The following STYK1 variants were observed in gnomAD, a reference collection of about 807,000 sequenced individuals.
STYK1 encodes the protein STY kinase 1, also known as tyrosine-protein kinase STYK1.
Under a neutral mutation model 48.1 loss-of-function variants are expected in STYK1, and 46 were observed. That is an observed-to-expected ratio of 0.96 (90% confidence interval 0.75 to 1.22). The LOEUF is 1.22. STYK1 is among the 50% of genes most tolerant of loss of function. The probability of loss-of-function intolerance (pLI) is 0.00; values close to 1 mark genes in which losing one functional copy is unlikely to be tolerated. For synonymous variants in STYK1, 188 were observed against 189.0 expected (o/e 0.99, Z 0.04); for missense variants, 527 against 521.1 (o/e 1.01, Z -0.11).
intron 5 of STYK1, among the ~76,000 whole-genome samples, chr12:10,630,032 GGAGAGAGA>G (rs11268204): frequency 1.4e-3 from 186 of 137,302 alleles, no homozygotes; most frequent in African/African-American, 5.1e-3. Context: ...ATCATGAAGA[GGAGAGAGA>G]GAGAGAGAGA....
chr12:10,667,240 T>C (rs1947842933), intron 1 of STYK1: 1 of 152,188 alleles, frequency 6.6e-6, no homozygotes, highest in Non-Finnish European at 1.5e-5. Flanking sequence ...TAGCCAGTAA[T>C]TTAAAGCATA....
At chr12:10,666,023 T>G (rs1947830347) in intron 1 of STYK1, among the ~76,000 whole-genome samples, 1 of 152,250 alleles carries the variant, frequency 6.6e-6, no homozygotes, top group Non-Finnish European at 1.5e-5. Context: ...TCCTCCTTCC[T>G]TAAGCCAAAC....
At chr12:10,621,387 G>T (rs572251024) in intron 10 of STYK1, among the ~76,000 whole-genome samples, 1 of 152,032 alleles carries the variant, frequency 6.6e-6, no homozygotes, top group African/African-American at 2.4e-5. Context: ...CTGAGAGTTG[G>T]AAAAACAGGG....
At chr12:10,634,485 A>T in intron 3 of STYK1, 82 bp downstream of exon 3, 2 of 1,437,200 alleles carry the variant, frequency 1.4e-6, no homozygotes, top group South Asian at 2.3e-5. Context: ...AAATCAAATC[A>T]TCCTCCTTCT....
chr12:10,643,871 G>T (rs1947571882), intron 1 of STYK1, among the ~76,000 whole-genome samples: 1 of 152,142 alleles, frequency 6.6e-6, no homozygotes, highest in African/African-American at 2.4e-5. Context: ...GCGAGAGGCA[G>T]ATCATAATGA....
At chr12:10,655,385 CT>C (rs1319395951) in intron 1 of STYK1, among the ~76,000 whole-genome samples, 1 of 152,194 alleles carries the variant, frequency 6.6e-6, no homozygotes, top group African/African-American at 2.4e-5. Flanking sequence ...AGTTAAAAGC[CT>C]TCATTGGCTC....
In STYK1 at chr12:10,634,598, G is replaced by A. The variant is rs1327623150; in HGVS notation, c.21C>T (p.Leu7=). 2 of 1,613,948 alleles carry A rather than the reference G, an allele frequency of 1.2e-6. No homozygotes were observed. The highest frequency in any genetic ancestry group is 3.3e-5 in the Admixed American group (2 of 59,992). Residue 7 remains leucine (L), a synonymous_variant, in exon 3 of 11, where the codon CTC becomes CTT. Coordinates refer to ENST00000075503, the MANE Select transcript of STYK1 (RefSeq NM_018423.3). ...ACTTGTCACTGAGACTGCATTCCAG[G>A]AGCATCCGTGTCATGCCCATTGCCA... The part of the protein sequence containing the change: MGMTRM[L]LECSLSDKLC...
chr12:10,663,498 C>G (rs1358426334), intron 1 of STYK1, among the ~76,000 whole-genome samples: 2 of 147,186 alleles, frequency 1.4e-5, no homozygotes, highest in Non-Finnish European at 1.5e-5. Flanking sequence ...ACTCGGGAGG[C>G]TGAGGAAGGA....
intron 8 of STYK1, among the ~76,000 whole-genome samples, chr12:10,623,723 T>C (rs530088982): frequency 9.9e-4 from 151 of 152,258 alleles, no homozygotes; most frequent in African/African-American, 3.5e-3. Flanking sequence ...AAAAGTAACA[T>C]CAAAAGTCTG....
At chr12:10,654,360 G>C (rs1947695163) in intron 1 of STYK1, among the ~76,000 whole-genome samples, 1 of 152,154 alleles carries the variant, frequency 6.6e-6, no homozygotes, top group South Asian at 2.1e-4. Context: ...CTTAGTAAAT[G>C]TGCTTTCACT....
intron 1 of STYK1, among the ~76,000 whole-genome samples, chr12:10,660,468 G>GAAT (rs1591702336): frequency 0.029 from 3,440 of 119,438 alleles, 608 homozygotes; most frequent in East Asian, 0.055. Flanking sequence ...AGGGGAGGAG[G>GAAT]GAAATATGTT....
At chr12:10,651,441 T>C (rs908094259) in intron 1 of STYK1, among the ~76,000 whole-genome samples, 2 of 152,202 alleles carry the variant, frequency 1.3e-5, no homozygotes, top group African/African-American at 4.8e-5. Context: ...ATGCTCAGTT[T>C]TCTCATCTGT....
intron 1 of STYK1, among the ~76,000 whole-genome samples, chr12:10,665,024 G>T (rs1192735632): frequency 1.3e-5 from 2 of 151,438 alleles, no homozygotes; most frequent in African/African-American, 2.5e-5. Flanking sequence ...TTCCAATCAT[G>T]AATCCATTAA....
At chr12:10,630,124 A>T in intron 5 of STYK1, among the ~76,000 whole-genome samples, 1 of 150,966 alleles carries the variant, frequency 6.6e-6, no homozygotes, top group African/African-American at 2.4e-5. Flanking sequence ...GATGGCTCAC[A>T]CCTGTAATCC....
At chr12:10,641,602 C>T (rs528727095) in intron 1 of STYK1, among the ~76,000 whole-genome samples, 7 of 152,306 alleles carry the variant, frequency 4.6e-5, no homozygotes, top group Admixed American at 3.9e-4. Flanking sequence ...GAGTCCCAGG[C>T]CCAGGCAGAG....
At chr12:10,647,391 T>A (rs1008170019) in intron 1 of STYK1, among the ~76,000 whole-genome samples, 4 of 152,230 alleles carry the variant, frequency 2.6e-5, no homozygotes, top group Admixed American at 6.5e-5. Context: ...TTCAGACTTG[T>A]ATGGGGCCTG....
intron 1 of STYK1, among the ~76,000 whole-genome samples, chr12:10,673,185 A>T (rs1947907525): frequency 6.6e-6 from 1 of 152,202 alleles, no homozygotes; most frequent in African/African-American, 2.4e-5. Flanking sequence ...AACAGAGGCT[A>T]AAATGGTGAA....
intron 6 of STYK1, 36 bp downstream of exon 6, chr12:10,629,457 G>A: frequency 6.2e-7 from 1 of 1,608,726 alleles, no homozygotes; most frequent in Non-Finnish European, 8.5e-7. Context: ...ACAAGGTCAA[G>A]CCTTAACCTC....
chr12:10,661,667 C>T (rs1256577277), intron 1 of STYK1, among the ~76,000 whole-genome samples: 4 of 152,158 alleles, frequency 2.6e-5, no homozygotes, highest in East Asian at 1.9e-4. Flanking sequence ...TACCAGATGA[C>T]GAAACTGGGG....
Sources: allele counts gnomAD v4.1 joint callset (sites outside exome capture counted in the v4.1 genomes callset), GRCh38; gene constraint gnomAD v4.1.1; transcripts MANE v1.5; gene names NCBI Gene and HGNC (gene_info 2026-07-23, HGNC 2026-07-21).